MEP1B: variants seen among roughly 807,000 people sequenced by gnomAD.
MEP1B encodes N-benzoyl-L-tyrosyl-P-amino-benzoic acid hydrolase subunit beta.
In MEP1B, 80 loss-of-function variants were observed where a neutral mutation model predicts 84.6. The observed-to-expected ratio is 0.95, with a 90% CI of 0.79 to 1.14. MEP1B has a LOEUF of 1.14. Ranked by LOEUF, MEP1B falls within the 50% of genes most tolerant of loss-of-function variation. The pLI, the probability that MEP1B is intolerant of heterozygous loss-of-function variation, is 0.00. For missense variants in MEP1B, 766 were observed against 855.1 expected (o/e 0.90, Z 1.30); for synonymous variants, 273 against 288.1 (o/e 0.95, Z 0.53).
At position 32,208,187 on chromosome 18, in the gene MEP1B, T is replaced by G. The variant is rs764882505; in HGVS notation, c.835T>G (p.Ser279Ala). ...LENVCGMIQS[S>A]GDNADWQRVS... Reference sequence around the variant, plus strand: ...AAATGTGTGTGGCATGATCCAAAGTTCAGGAGATAATGCTGACTGGCAACG... The same window carrying G: ...AAATGTGTGTGGCATGATCCAAAGTGCAGGAGATAATGCTGACTGGCAACG... Residue 279 changes from serine to alanine, a missense_variant, in exon 9 of 15, where the codon TCA becomes GCA. Ser to Ala is a moderately conservative substitution (Grantham distance 99). Coordinates refer to ENST00000269202, the MANE Select transcript of MEP1B (RefSeq NM_005925.3). The G allele has an allele frequency of 1.1e-5, 17 of 1,613,830 alleles. No individual in the cohort carries two copies. The highest frequency in any genetic ancestry group is 1.4e-5 in the Non-Finnish European group (17 of 1,179,880).
Position 32,195,263 on chromosome 18 carries a change from T to TACACAC in MEP1B, c.172-122_172-117dup, listed in dbSNP as rs3217505. ...TGTTATATTATGATAAAAGTAGGGC[T>TACACAC]ACACACACACACACACACACACACA... On this transcript the variant is annotated intron_variant, in intron 4 of 14. Transcript: ENST00000269202. 1,460 of 496,826 alleles carry TACACAC rather than the reference T, an allele frequency of 2.9e-3. 12 individuals carry two copies. The highest frequency in any genetic ancestry group is 0.026 in the African/African-American group (1,316 of 50,134). 30.8% of individuals were successfully genotyped at this position (496,826 alleles called of 1,614,324 possible). A position where few individuals can be genotyped will look rare whatever the true frequency, so the allele number is the denominator to read the frequency against.
chr18:32,217,893 C>T lies in MEP1B; in HGVS notation c.2019C>T (p.Val673=), dbSNP rs376825292. The stretch of plus-strand genomic sequence containing the variant: ...CCTTGATGCTGATCATCACCCTTGT[C>T]AGTGTCTATTGCACCAGGAAGAAAT... ...VFALMLIITL[V]SVYCTRKKYR... The change falls in exon 14 of 15, where the codon GTC becomes GTT. Residue 673 remains valine, a synonymous_variant. Transcript: ENST00000269202. The T allele has an allele frequency of 6.2e-7, 1 of 1,613,944 alleles. No homozygotes were observed. The highest frequency in any genetic ancestry group is 8.5e-7 in the Non-Finnish European group (1 of 1,179,896).
In MEP1B at chr18:32,196,930, G is replaced by T. The variant is rs2040862280; in HGVS notation, c.250+1445G>T. 3 of 355,752 alleles carry T rather than the reference G, an allele frequency of 8.4e-6. No individual in the cohort carries two copies. Among genetic ancestry groups the T allele is most frequent in the African/African-American group, 2.1e-5 (1 of 47,230 alleles). 22.0% of individuals were successfully genotyped at this position (355,752 alleles called of 1,614,324 possible). A position where few individuals can be genotyped will look rare whatever the true frequency, so the allele number is the denominator to read the frequency against. ...TCCACGTGCACTGCTCCCTACACTT[G>T]GTTAAACAGGTGCAGGGCCTGATTG... On this transcript the variant is annotated intron_variant, in intron 5 of 14. Transcript: ENST00000269202. This position sits in a 1 kb window ranked among gnomAD's most constrained non-coding sequence, Gnocchi z 4.4.
intron 7 of MEP1B, among the ~76,000 whole-genome samples, chr18:32,206,771 T>C (rs1191806872): frequency 6.6e-6 from 1 of 151,956 alleles, no homozygotes; most frequent in Non-Finnish European, 1.5e-5. Flanking sequence ...ACCACCACAA[T>C]GGACTGATTT....
intron 5 of MEP1B, among the ~76,000 whole-genome samples, chr18:32,200,891 A>T (rs2040904927): frequency 6.6e-6 from 1 of 152,188 alleles, no homozygotes; most frequent in African/African-American, 2.4e-5. Context: ...TACTAAGGGG[A>T]AACAATCCTG....
intron 10 of MEP1B, among the ~76,000 whole-genome samples, chr18:32,212,776 G>A (rs2041041429): frequency 6.6e-6 from 1 of 152,176 alleles, no homozygotes; most frequent in Admixed American, 6.5e-5. Flanking sequence ...CAAGTGTTGG[G>A]TTTGCTGGCC....
intron 1 of MEP1B, among the ~76,000 whole-genome samples, chr18:32,190,520 ATTTCTC>A (rs1290161870): frequency 6.6e-6 from 1 of 152,122 alleles, no homozygotes; most frequent in Non-Finnish European, 1.5e-5. Context: ...ATAACGTGGT[ATTTCTC>A]TTATGCTTCT....
chr18:32,198,298 G>A (rs930539430), intron 5 of MEP1B, among the ~76,000 whole-genome samples: 1 of 152,208 alleles, frequency 6.6e-6, no homozygotes, highest in Non-Finnish European at 1.5e-5. Context: ...TTGACTGAGA[G>A]AAATGAATGA....
At chr18:32,197,979 T>C (rs1447639102) in intron 5 of MEP1B, among the ~76,000 whole-genome samples, 1 of 152,188 alleles carries the variant, frequency 6.6e-6, no homozygotes, top group Non-Finnish European at 1.5e-5. Flanking sequence ...TGGGAAAACA[T>C]ATGGTATTTG....
chr18:32,206,356 T>C (rs993244893), intron 7 of MEP1B, among the ~76,000 whole-genome samples: 1 of 152,060 alleles, frequency 6.6e-6, no homozygotes, highest in Admixed American at 6.6e-5. Flanking sequence ...GCCTTCTTAC[T>C]TCCATCTCCA....
At chr18:32,207,751 A>G (rs2040980620) in intron 8 of MEP1B, among the ~76,000 whole-genome samples, 2 of 152,230 alleles carry the variant, frequency 1.3e-5, no homozygotes, top group Non-Finnish European at 2.9e-5. Context: ...CCTCGGTCAG[A>G]TTGATACTCA....
At chr18:32,207,162 T>G (rs904390746) in intron 7 of MEP1B, 90 bp from the exon 8 acceptor site, 1 of 814,622 alleles carries the variant, frequency 1.2e-6, no homozygotes, top group African/African-American at 1.7e-5. Context: ...TTGAGTTTAT[T>G]ATATTCTCCA....
chr18:32,196,464 G>A lies in MEP1B; in HGVS notation c.250+979G>A. Reference sequence around the variant, plus strand: ...GCAGCCAGCCCTTCCTTCTGGTGCTGCAGGGCCGACCGGAAACTCAGCTTT... The same window carrying A: ...GCAGCCAGCCCTTCCTTCTGGTGCTACAGGGCCGACCGGAAACTCAGCTTT... On this transcript the variant is annotated intron_variant, in intron 5 of 14. Transcript: ENST00000269202. This position sits in a 1 kb window ranked among gnomAD's most constrained non-coding sequence, Gnocchi z 4.4. The A allele has an allele frequency of 2.9e-6, 2 of 694,040 alleles. No homozygotes were observed. Among genetic ancestry groups the A allele is most frequent in the South Asian group, 3.0e-5 (2 of 67,396 alleles). The allele number at this position is 694,040 out of a possible 1,614,324, so 43.0% of individuals were successfully genotyped here. A position where few individuals can be genotyped will look rare whatever the true frequency, so the allele number is the denominator to read the frequency against.
intron 10 of MEP1B, among the ~76,000 whole-genome samples, chr18:32,211,245 C>T (rs1224085130): frequency 5.3e-5 from 8 of 151,526 alleles, no homozygotes; most frequent in Non-Finnish European, 7.4e-5. Flanking sequence ...CTCCAGCCTG[C>T]GCGACAGAGC....
At position 32,191,828 on chromosome 18, in the gene MEP1B, C is replaced by G; in HGVS notation, c.70C>G (p.Pro24Ala). The G allele has an allele frequency of 1.3e-6, 2 of 1,541,268 alleles. No individual in the cohort carries two copies. Among genetic ancestry groups the G allele is most frequent in the Non-Finnish European group, 8.8e-7 (1 of 1,133,272 alleles). Reference sequence around the variant, plus strand: ...TTATGTGTTTATTTCCCAGGCAACTCCAGAAAACTTTGGTGAGTCTATTTT... The same window carrying G: ...TTATGTGTTTATTTCCCAGGCAACTGCAGAAAACTTTGGTGAGTCTATTTT... ...ALLVISGLATPENFDVDGGMD... is the reference protein window; with the variant it reads ...ALLVISGLATAENFDVDGGMD... Residue 24 changes from proline to alanine, a missense_variant, in exon 2 of 15, where the codon CCA becomes GCA. By Grantham distance (27) the Pro-to-Ala change is conservative (BLOSUM62 -1). Coordinates refer to ENST00000269202, the MANE Select transcript of MEP1B (RefSeq NM_005925.3).
At chr18:32,203,228 G>T in intron 6 of MEP1B, 3 of 433,762 alleles carry the variant, frequency 6.9e-6, no homozygotes, top group Admixed American at 4.0e-5. Flanking sequence ...AAAGTGGATG[G>T]GATTGCATGC....
rs190164150 is a variant in MEP1B, at chr18:32,215,680, T to C, written c.1759+419T>C. ...TCTACTAAAAACATAAAAAATTAGC[T>C]GGGCGTGGTGGCGGGCGCCTGTAGT... On this transcript the variant is annotated intron_variant, in intron 12 of 14. Coordinates refer to ENST00000269202, the MANE Select transcript of MEP1B (RefSeq NM_005925.3). Among the ~76,000 whole-genome samples the C allele has an allele frequency of 1.0e-3, 156 of 151,992 alleles. 1 individual carries two copies. Among genetic ancestry groups the C allele is most frequent in the African/African-American group, 3.5e-3 (146 of 41,490 alleles).
intron 7 of MEP1B, among the ~76,000 whole-genome samples, chr18:32,206,772 G>T (rs1453928692): frequency 1.3e-5 from 2 of 151,926 alleles, no homozygotes; most frequent in African/African-American, 4.8e-5. Context: ...CCACCACAAT[G>T]GACTGATTTT....
intron 8 of MEP1B, among the ~76,000 whole-genome samples, chr18:32,207,745 G>A (rs922801687): frequency 6.6e-6 from 1 of 152,120 alleles, no homozygotes; most frequent in African/African-American, 2.4e-5. Context: ...TTCAAACCTC[G>A]GTCAGATTGA....
Sources: allele counts gnomAD v4.1 joint callset (sites outside exome capture counted in the v4.1 genomes callset), GRCh38; gene constraint gnomAD v4.1.1; non-coding constraint Gnocchi (gnomAD v3.1); transcripts MANE v1.5; gene names NCBI Gene and HGNC (gene_info 2026-07-23, HGNC 2026-07-21).